ME3: variants seen among roughly 807,000 people sequenced by gnomAD.
ME3 encodes malic enzyme 3.
ME3 carries 48 observed loss-of-function variants against 68.9 expected under a neutral mutation model. The ratio of observed to expected loss-of-function variants is 0.70; its 90% CI spans 0.55 to 0.89. The LOEUF (loss-of-function observed/expected upper bound fraction) is 0.89, where lower values mean the gene tolerates loss of function less well. Ranked by LOEUF, ME3 falls within the 40% of genes least tolerant of loss-of-function variation. ME3 has a pLI of 0.00. For synonymous variants in ME3, 320 were observed against 318.8 expected, an observed-to-expected ratio of 1.00 and a Z score of -0.04; for missense variants, 675 against 797.4, an observed-to-expected ratio of 0.85 and a Z score of 1.85.
At chr11:86,478,324 C>CA (rs57349808) in intron 7 of ME3, among the ~76,000 whole-genome samples, 327 of 62,788 alleles carry the variant, frequency 5.2e-3, no homozygotes, top group South Asian at 0.018. Flanking sequence ...GCCTAAGGAC[C>CA]AAAAAAAAAA....
At chr11:86,662,789 C>G (rs1056978944) in intron 2 of ME3, among the ~76,000 whole-genome samples, 1 of 152,160 alleles carries the variant, frequency 6.6e-6, no homozygotes, top group African/African-American at 2.4e-5. Flanking sequence ...CCAAAGAAAA[C>G]TCAGTATAAT....
At chr11:86,619,443 T>C (rs1943204479) in intron 2 of ME3, among the ~76,000 whole-genome samples, 1 of 152,236 alleles carries the variant, frequency 6.6e-6, no homozygotes, top group African/African-American at 2.4e-5. Flanking sequence ...GGTTTGGCTG[T>C]GTCCCCACCC....
intron 2 of ME3, among the ~76,000 whole-genome samples, chr11:86,579,982 G>A (rs552431201): frequency 6.6e-6 from 1 of 152,272 alleles, no homozygotes; most frequent in East Asian, 1.9e-4. Flanking sequence ...CCAGTGCTTA[G>A]CTGATACAAT....
At chr11:86,542,697 C>T (rs898911524) in intron 4 of ME3, among the ~76,000 whole-genome samples, 2 of 152,096 alleles carry the variant, frequency 1.3e-5, no homozygotes, top group East Asian at 1.9e-4. Flanking sequence ...CTGAAAGTGA[C>T]GAGGAGAATG....
chr11:86,668,749 G>A (rs1411584520), intron 2 of ME3, among the ~76,000 whole-genome samples: 2 of 152,176 alleles, frequency 1.3e-5, no homozygotes, highest in Admixed American at 6.5e-5. Flanking sequence ...ACCACCCTCT[G>A]TCATACAGCT....
At chr11:86,651,700 A>C (rs1945443819) in intron 2 of ME3, among the ~76,000 whole-genome samples, 1 of 152,256 alleles carries the variant, frequency 6.6e-6, no homozygotes, top group African/African-American at 2.4e-5. Context: ...CTGCCCCTTC[A>C]AAGGAACACA....
chr11:86,445,262 T>TG (rs1175328631), intron 13 of ME3, among the ~76,000 whole-genome samples: 4 of 152,096 alleles, frequency 2.6e-5, no homozygotes, highest in African/African-American at 9.7e-5. Context: ...GTAGTGTGCG[T>TG]GGGGCTGGGG....
At position 86,493,848 on chromosome 11, in the gene ME3, C is replaced by T. The variant is rs536274752; in HGVS notation, c.705+4115G>A. On this transcript the variant is annotated intron_variant, in intron 6 of 14. Transcript: ENST00000543262. ...ACTGTGATTAAAGCTCCTGTTGCCT[C>T]AGGAGTTTTTATAGAGACATACATA... Among the ~76,000 whole-genome samples, 10 of 152,234 alleles carry T rather than the reference C, an allele frequency of 6.6e-5. No homozygotes were observed. In the East Asian group the frequency reaches 1.9e-3, roughly 29 times the overall value.
intron 8 of ME3, among the ~76,000 whole-genome samples, chr11:86,455,235 G>C (rs1949848430): frequency 6.6e-6 from 1 of 152,260 alleles, no homozygotes; most frequent in Non-Finnish European, 1.5e-5. Context: ...GTCGAAGACA[G>C]ATGAATCAAA....
intron 6 of ME3, 31 bp from the exon 7 acceptor site, chr11:86,487,471 T>G: frequency 2.1e-5 from 31 of 1,483,270 alleles, no homozygotes; most frequent in Middle Eastern, 1.7e-4. Context: ...TGACTGAGCC[T>G]ACTCCCGGTG....
chr11:86,541,965 C>T (rs1456766603), intron 4 of ME3, among the ~76,000 whole-genome samples: 9 of 152,300 alleles, frequency 5.9e-5, no homozygotes. Context: ...GAGCAGGCAG[C>T]AATTTTTGCT....
At chr11:86,507,651 G>A (rs1953183973) in intron 5 of ME3, among the ~76,000 whole-genome samples, 1 of 152,292 alleles carries the variant, frequency 6.6e-6, no homozygotes. Context: ...TTTAGCCAGA[G>A]GCTAATACAT....
At chr11:86,654,274 C>T (rs1159688381) in intron 2 of ME3, among the ~76,000 whole-genome samples, 1 of 152,190 alleles carries the variant, frequency 6.6e-6, no homozygotes, top group African/African-American at 2.4e-5. Flanking sequence ...GATACCAAAG[C>T]CAGGCAGAGA....
chr11:86,448,638 G>A (rs999836373), intron 10 of ME3, among the ~76,000 whole-genome samples: 1 of 152,160 alleles, frequency 6.6e-6, no homozygotes, highest in Admixed American at 6.5e-5. Flanking sequence ...ATGGGGACCT[G>A]TGCCACCCAG....
chr11:86,442,866 T>C (rs1370211302), exon 14 of ME3: 1 of 1,613,602 alleles, frequency 6.2e-7, no homozygotes, highest in Non-Finnish European at 8.5e-7. Flanking sequence ...TGCTGAGTGG[T>C]GGGTAGAGTC....
intron 2 of ME3, among the ~76,000 whole-genome samples, chr11:86,590,653 A>G (rs770445523): frequency 6.6e-5 from 10 of 152,212 alleles, no homozygotes; most frequent in Non-Finnish European, 1.2e-4. Context: ...TGCATCAGGC[A>G]GGGAAGCTGG....
chr11:86,633,967 T>C (rs1280053077), intron 2 of ME3, among the ~76,000 whole-genome samples: 1 of 152,176 alleles, frequency 6.6e-6, no homozygotes, highest in Non-Finnish European at 1.5e-5. Context: ...GGAGTCCAGA[T>C]AGGAGGAAAG....
At chr11:86,600,963 G>A (rs1265342480) in intron 2 of ME3, among the ~76,000 whole-genome samples, 1 of 151,014 alleles carries the variant, frequency 6.6e-6, no homozygotes, top group East Asian at 2.0e-4. Context: ...GTGTGTAGAG[G>A]GAAATTTATA....
intron 2 of ME3, among the ~76,000 whole-genome samples, chr11:86,660,640 C>T (rs1946213497): frequency 6.6e-6 from 1 of 152,088 alleles, no homozygotes; most frequent in South Asian, 2.1e-4. Flanking sequence ...AGGCTATGCC[C>T]CTTGAGGGTG....
Sources: gnomAD v4.1 joint callset for allele counts (sites outside exome capture counted in the v4.1 genomes callset) on GRCh38, gnomAD v4.1.1 for gene constraint, MANE v1.5 for transcripts, NCBI Gene and HGNC (gene_info 2026-07-23, HGNC 2026-07-21) for gene names.